Variants in NLGN1 observed in about 807,000 individuals in gnomAD.
The protein encoded by NLGN1 is neuroligin-1.
A neutral mutation model predicts 65.5 loss-of-function variants in NLGN1; 12 were observed. That is an observed-to-expected ratio of 0.18 (90% CI 0.12 to 0.30). The LOEUF (loss-of-function observed/expected upper bound fraction) is 0.30, where lower values mean the gene tolerates loss of function less well. NLGN1 is among the 10% of genes least tolerant of loss of function. The probability of loss-of-function intolerance (pLI) is 1.00; values close to 1 mark genes in which losing one functional copy is unlikely to be tolerated. For synonymous variants in NLGN1, 350 were observed against 359.5 expected, an observed-to-expected ratio of 0.97 and a Z score of 0.30; for missense variants, 750 against 1,007.1, an observed-to-expected ratio of 0.74 and a Z score of 3.46.
At chr3:173,712,855 A>C (rs1203174064) in intron 3 of NLGN1, among the ~76,000 whole-genome samples, 7 of 152,164 alleles carry the variant, frequency 4.6e-5, no homozygotes, top group African/African-American at 9.6e-5. Context: ...ATTAATTGTA[A>C]AACTTCAGAA....
Position 173,929,909 on chromosome 3 carries a change from G to A in NLGN1, c.646+122077G>A, listed in dbSNP as rs979683959. Among the ~76,000 whole-genome samples, 6 of 152,094 alleles carry A rather than the reference G, an allele frequency of 3.9e-5. No homozygotes were observed. In the East Asian group the frequency reaches 1.2e-3, roughly 29 times the overall value. Reference sequence around the variant, plus strand: ...AGTAGAGATAGGGTTTCTCCATGTTGGTCAGGCTGGTCTCGAACTCCCAAC... The same window carrying A: ...AGTAGAGATAGGGTTTCTCCATGTTAGTCAGGCTGGTCTCGAACTCCCAAC... On this transcript the variant is annotated intron_variant, in intron 4 of 6. Coordinates refer to ENST00000457714, the Ensembl canonical transcript of NLGN1.
intron 4 of NLGN1, among the ~76,000 whole-genome samples, chr3:174,226,160 A>G (rs892894969): frequency 6.6e-6 from 1 of 152,132 alleles, no homozygotes; most frequent in African/African-American, 2.4e-5. Flanking sequence ...TGCCTCATCT[A>G]TGAAGAAAGC....
chr3:174,275,487 C>A (rs778690243), exon 5 of NLGN1: 57 of 1,612,008 alleles, frequency 3.5e-5, no homozygotes, highest in Non-Finnish European at 2.6e-5. Context: ...TGACTTTATC[C>A]CATTATTCTG....
chr3:173,923,197 AAGTC>A (rs1742375942), intron 4 of NLGN1, among the ~76,000 whole-genome samples: 1 of 152,080 alleles, frequency 6.6e-6, no homozygotes, highest in Non-Finnish European at 1.5e-5. Context: ...AGGTGGAAAA[AAGTC>A]AGTTTACTAC....
At chr3:173,645,916 T>G (rs929335304) in intron 3 of NLGN1, among the ~76,000 whole-genome samples, 1 of 152,288 alleles carries the variant, frequency 6.6e-6, no homozygotes, top group East Asian at 1.9e-4. Context: ...TCTTTGAGCT[T>G]GCTCCTTAAA....
chr3:173,936,258 G>T (rs1745062965), intron 4 of NLGN1, among the ~76,000 whole-genome samples: 1 of 151,662 alleles, frequency 6.6e-6, no homozygotes, highest in Non-Finnish European at 1.5e-5. Context: ...TCTCCTTAAG[G>T]GCACCATTTT....
intron 4 of NLGN1, among the ~76,000 whole-genome samples, chr3:174,099,009 G>T (rs771276218): frequency 3.3e-5 from 5 of 152,154 alleles, no homozygotes; most frequent in Non-Finnish European, 7.4e-5. Context: ...TATCAACTAA[G>T]TTGGGCTCCC....
intron 4 of NLGN1, among the ~76,000 whole-genome samples, chr3:174,085,469 T>C (rs1743049392): frequency 6.6e-6 from 1 of 152,062 alleles, no homozygotes; most frequent in Non-Finnish European, 1.5e-5. Flanking sequence ...ATTAGTCTTA[T>C]TCACATTTTC....
chr3:173,739,973 TGGGG>T (rs1774381849), intron 3 of NLGN1, among the ~76,000 whole-genome samples: 1 of 152,100 alleles, frequency 6.6e-6, no homozygotes, highest in East Asian at 1.9e-4. Flanking sequence ...TAAACTATAT[TGGGG>T]ATGAGATCAT....
At chr3:173,942,206 C>T (rs1746277407) in intron 4 of NLGN1, among the ~76,000 whole-genome samples, 1 of 150,394 alleles carries the variant, frequency 6.6e-6, no homozygotes, top group South Asian at 2.1e-4. Flanking sequence ...TGCATATATA[C>T]ATACATAGTG....
At chr3:173,782,262 C>T (rs967176430) in intron 3 of NLGN1, among the ~76,000 whole-genome samples, 5 of 152,112 alleles carry the variant, frequency 3.3e-5, no homozygotes, top group East Asian at 3.9e-4. Flanking sequence ...TCACAACATT[C>T]CTGACAGGCA....
intron 2 of NLGN1, among the ~76,000 whole-genome samples, chr3:173,446,130 A>G (rs1437969689): frequency 2.0e-5 from 3 of 150,900 alleles, no homozygotes; most frequent in Non-Finnish European, 4.4e-5. Context: ...TTTGTTACAT[A>G]TGTATACATG....
rs77181730 is a variant in NLGN1 at position 173,800,145 on chromosome 3, G to A, written c.494-7535G>A. ...GTTTTTTTTTCTTAAACAAAAATAG[G>A]TAGTCAATTATGATGTGACCACTTC... On this transcript the variant is annotated intron_variant, in intron 3 of 6. Coordinates refer to ENST00000457714, the Ensembl canonical transcript of NLGN1. 1,043 of 161,006 alleles carry A rather than the reference G, an allele frequency of 6.5e-3. 6 individuals carry two copies. The highest frequency in any genetic ancestry group is 0.011 in the Non-Finnish European group (821 of 74,712). 10.0% of individuals were successfully genotyped at this position (161,006 alleles called of 1,614,324 possible). A position where few individuals can be genotyped will look rare whatever the true frequency, so the allele number is the denominator to read the frequency against.
At chr3:174,145,899 C>T (rs1481627023) in intron 4 of NLGN1, among the ~76,000 whole-genome samples, 1 of 152,204 alleles carries the variant, frequency 6.6e-6, no homozygotes, top group African/African-American at 2.4e-5. Flanking sequence ...TGCCATAGTG[C>T]AGTAGTTTAA....
intron 4 of NLGN1, among the ~76,000 whole-genome samples, chr3:174,039,236 T>A (rs894210241): frequency 1.3e-5 from 2 of 151,686 alleles, no homozygotes; most frequent in South Asian, 2.1e-4. Context: ...TATATATATA[T>A]AAATATAAAA....
chr3:174,133,628 A>T lies in NLGN1; in HGVS notation c.647-141687A>T, dbSNP rs143914880. On this transcript the variant is annotated intron_variant, in intron 4 of 6. Transcript: ENST00000457714. ...ACGCAAATAGTACAAGGTAGGTCAGAGCTCCTTGTCTAGTTTCCTTGAAGG... is the reference window on the plus strand; with the variant it reads ...ACGCAAATAGTACAAGGTAGGTCAGTGCTCCTTGTCTAGTTTCCTTGAAGG... Among the ~76,000 whole-genome samples, 335 of 152,226 alleles carry T rather than the reference A, an allele frequency of 2.2e-3. 3 individuals carry two copies. Among genetic ancestry groups the T allele is most frequent in the Non-Finnish European group, 9.9e-4 (67 of 68,006 alleles).
At chr3:173,588,856 A>T (rs116395457) in intron 2 of NLGN1, among the ~76,000 whole-genome samples, 3,579 of 152,288 alleles carry the variant, frequency 0.024, 56 homozygotes, top group Middle Eastern at 0.048. Context: ...TTCTTCCTAT[A>T]TATAGCAACA....
intron 3 of NLGN1, among the ~76,000 whole-genome samples, chr3:173,695,399 A>T (rs1766060035): frequency 6.6e-6 from 1 of 152,146 alleles, no homozygotes; most frequent in African/African-American, 2.4e-5. Context: ...TTCCAGACTG[A>T]TCCACAAAAT....
intron 4 of NLGN1, among the ~76,000 whole-genome samples, chr3:174,240,001 C>T (rs1201615533): frequency 6.6e-6 from 1 of 152,038 alleles, no homozygotes. Flanking sequence ...GAAATTGACA[C>T]TCTTTATAGA....
Sources: allele counts gnomAD v4.1 joint callset (sites outside exome capture counted in the v4.1 genomes callset), GRCh38; gene constraint gnomAD v4.1.1; transcripts MANE v1.5; gene names NCBI Gene and HGNC (gene_info 2026-07-23, HGNC 2026-07-21).